WLS: variants seen among roughly 807,000 people sequenced by gnomAD.
WLS encodes the protein Wnt ligand secretion mediator.
Under a neutral mutation model 62.8 loss-of-function variants are expected in WLS, and 23 were observed. The observed-to-expected ratio is 0.37, with a 90% CI of 0.26 to 0.52. The LOEUF (loss-of-function observed/expected upper bound fraction) is 0.52, where lower values mean the gene tolerates loss of function less well. WLS is among the 20% of genes least tolerant of loss of function. The pLI is 0.92. For missense variants in WLS, 615 were observed against 697.3 expected (o/e 0.88, Z 1.33); for synonymous variants, 246 against 244.1 (o/e 1.01, Z -0.07).
intron 11 of WLS, among the ~76,000 whole-genome samples, chr1:68,112,189 G>C (rs1410682332): frequency 6.6e-6 from 1 of 152,210 alleles, no homozygotes; most frequent in Non-Finnish European, 1.5e-5. Flanking sequence ...AGGGTGCATA[G>C]ATTGATGAGA....
At chr1:68,100,250 T>TC (rs1266870835) in intron 11 of WLS, among the ~76,000 whole-genome samples, 2 of 152,328 alleles carry the variant, frequency 1.3e-5, no homozygotes, top group Admixed American at 1.3e-4. Context: ...AGGATCCTGG[T>TC]CCCCTGGTTC....
At position 68,148,624 on chromosome 1, in the gene WLS, T is replaced by C; in HGVS notation, c.1009A>G (p.Lys337Glu). 1.9e-6 allele frequency: 3 copies of C among 1,614,076 alleles called. No homozygotes were observed. Among genetic ancestry groups the C allele is most frequent in the Non-Finnish European group, 2.5e-6 (3 of 1,180,020 alleles). ...CCAACGGCAATGGGTCCGACTTGCT[T>C]CCAATACCCTGCGATGTGGTTCCGC... is the stretch of plus-strand genomic sequence containing the variant. The part of the protein sequence containing the change: ...HERNHIAGYW[K>E]QVGPIAVGSF... The change falls in exon 7 of 12, where the codon AAG becomes GAG. Residue 337 changes from lysine (K) to glutamate (E), a missense_variant. Physicochemically the swap from Lys to Glu is moderately conservative, Grantham distance 56 (BLOSUM62 1). Transcript: ENST00000262348.
chr1:68,204,509 G>T (rs1482522239), intron 1 of WLS, among the ~76,000 whole-genome samples: 1 of 151,978 alleles, frequency 6.6e-6, no homozygotes, highest in Admixed American at 6.6e-5. Flanking sequence ...GGGCTTCACC[G>T]TATTAGCCAG....
intron 11 of WLS, among the ~76,000 whole-genome samples, chr1:68,108,418 T>C (rs760473634): frequency 2.0e-5 from 3 of 152,122 alleles, no homozygotes; most frequent in Non-Finnish European, 4.4e-5. Flanking sequence ...CCAAATGAAG[T>C]CATGGAGGAT....
Position 68,155,201 on chromosome 1 carries a change from C to A in WLS, c.564G>T (p.Gly188=). The change falls in exon 4 of 12, where the codon GGG becomes GGT. Residue 188 remains glycine, a synonymous_variant. Transcript: ENST00000262348. The part of the protein sequence containing the change: ...ECDVLPFMEI[G]SVAHKFYLLN... ...AAAGGTAAAACTTATGGGCCACAGA[C>A]CCAATTTCCATGAAAGGAAGGACAT... 1 of 1,613,936 alleles carries A rather than the reference C, an allele frequency of 6.2e-7. No individual in the cohort carries two copies. Among genetic ancestry groups the A allele is most frequent in the Non-Finnish European group, 8.5e-7 (1 of 1,179,910 alleles).
intron 1 of WLS, among the ~76,000 whole-genome samples, chr1:68,213,509 CAA>C (rs1649605430): frequency 6.7e-6 from 1 of 149,726 alleles, no homozygotes; most frequent in Non-Finnish European, 1.5e-5. Context: ...AATGATATAC[CAA>C]AGAGATAAAT....
At chr1:68,108,175 G>GT (rs1646173503) in intron 11 of WLS, among the ~76,000 whole-genome samples, 1 of 152,130 alleles carries the variant, frequency 6.6e-6, no homozygotes, top group African/African-American at 2.4e-5. Context: ...GAATCGGCTT[G>GT]TGAAGCATCA....
intron 11 of WLS, among the ~76,000 whole-genome samples, chr1:68,110,172 G>A (rs1646205843): frequency 6.6e-6 from 1 of 151,326 alleles, no homozygotes. Flanking sequence ...TATGAACAAA[G>A]GAATATATCT....
At chr1:68,098,558 C>A (rs144836484) in exon 12 of WLS, 3 of 1,576,634 alleles carry the variant, frequency 1.9e-6, no homozygotes, top group South Asian at 1.2e-5. Flanking sequence ...TATTTGTGTG[C>A]GTATACAAGT....
chr1:68,132,019 T>G (rs1447643530), intron 11 of WLS, among the ~76,000 whole-genome samples: 1 of 152,204 alleles, frequency 6.6e-6, no homozygotes, highest in African/African-American at 2.4e-5. Context: ...GTCTGTAGTA[T>G]TCGTATAGCA....
At position 68,125,850 on chromosome 1, in the gene WLS, G is replaced by A; in HGVS notation, c.*376C>T. On this transcript the variant is annotated 3_prime_UTR_variant, in exon 12 of 12. Coordinates refer to ENST00000262348, the MANE Select transcript of WLS (RefSeq NM_024911.7). The stretch of plus-strand genomic sequence containing the variant: ...AAATCTATCCTAGAATTTAAAACAG[G>A]AAAAATGTCAAATATTCCACTCCCC... 9.8e-7 allele frequency: 1 copy of A among 1,022,138 alleles called. No homozygotes were observed. Among genetic ancestry groups the A allele is most frequent in the Non-Finnish European group, 1.2e-6 (1 of 853,028 alleles). 63.3% of individuals were successfully genotyped at this position (1,022,138 alleles called of 1,614,324 possible). A position where few individuals can be genotyped will look rare whatever the true frequency, so the allele number is the denominator to read the frequency against.
chr1:68,175,286 A>G (rs911917493), intron 2 of WLS, among the ~76,000 whole-genome samples: 2 of 152,226 alleles, frequency 1.3e-5, no homozygotes, highest in Admixed American at 6.5e-5. Context: ...CCAGATGGAA[A>G]CCATCACAGG....
chr1:68,111,159 T>C (rs545577759), intron 11 of WLS, among the ~76,000 whole-genome samples: 1 of 152,344 alleles, frequency 6.6e-6, no homozygotes, highest in East Asian at 1.9e-4. Flanking sequence ...ATGTCTGTTG[T>C]TTAAGCCACT....
chr1:68,192,439 G>C (rs1222039223), intron 2 of WLS, among the ~76,000 whole-genome samples: 3 of 151,798 alleles, frequency 2.0e-5, no homozygotes, highest in African/African-American at 7.3e-5. Flanking sequence ...TAAAATTTAA[G>C]GCCAGGTGCA....
intron 1 of WLS, among the ~76,000 whole-genome samples, chr1:68,196,683 C>T (rs1648678857): frequency 6.6e-6 from 1 of 152,062 alleles, no homozygotes; most frequent in South Asian, 2.1e-4. Context: ...CCAGAAAACT[C>T]AACACTACTA....
intron 2 of WLS, among the ~76,000 whole-genome samples, chr1:68,172,324 TACTC>T (rs1277917952): frequency 2.1e-5 from 3 of 143,560 alleles, no homozygotes; most frequent in Non-Finnish European, 3.1e-5. Flanking sequence ...AAAAAAAAAA[TACTC>T]AGAGAAGTTC....
intron 1 of WLS, among the ~76,000 whole-genome samples, chr1:68,227,159 C>T (rs1474228050): frequency 1.3e-5 from 2 of 152,014 alleles, no homozygotes; most frequent in Non-Finnish European, 2.9e-5. Flanking sequence ...TTTGGGAGGC[C>T]GAGGCAGGTG....
chr1:68,159,539 C>T (rs1646944398), intron 2 of WLS, among the ~76,000 whole-genome samples: 1 of 152,158 alleles, frequency 6.6e-6, no homozygotes, highest in Non-Finnish European at 1.5e-5. Flanking sequence ...ACCTCATCCT[C>T]CCATAACTTG....
chr1:68,177,469 C>T (rs1028591167), intron 2 of WLS, among the ~76,000 whole-genome samples: 3 of 152,156 alleles, frequency 2.0e-5, no homozygotes, highest in Non-Finnish European at 4.4e-5. Flanking sequence ...CTTCTATGCT[C>T]TCTCTGGAAC....
Sources: gnomAD v4.1 joint callset for allele counts (sites outside exome capture counted in the v4.1 genomes callset) on GRCh38, gnomAD v4.1.1 for gene constraint, MANE v1.5 for transcripts, NCBI Gene and HGNC (gene_info 2026-07-23, HGNC 2026-07-21) for gene names.